RDH13: variants seen among roughly 807,000 people sequenced by gnomAD.
RDH13 encodes retinol dehydrogenase 13.
RDH13 carries 35 observed loss-of-function variants against 28.3 expected under a neutral mutation model. The observed-to-expected ratio is 1.24, with a 90% CI of 0.95 to 1.64. The LOEUF is 1.64. Ranked by LOEUF, RDH13 falls within the 40% of genes most tolerant of loss-of-function variation. RDH13 has a pLI of 0.00. For missense variants in RDH13, 514 were observed against 446.3 expected, an observed-to-expected ratio of 1.15 and a Z score of -1.37; for synonymous variants, 229 against 198.5, an observed-to-expected ratio of 1.15 and a Z score of -1.29.
chr19:55,051,138 C>T (rs775827), intron 3 of RDH13: 86,689 of 152,050 alleles, frequency 0.57, 25,053 homozygotes, highest in East Asian at 0.79. Context: ...ACAGCCGAGG[C>T]CCCGTCCGTG....
In RDH13 at chr19:55,058,670, C is replaced by CT. The variant is rs538566882; in HGVS notation, c.184+486dup. On this transcript the variant is annotated intron_variant, in intron 2 of 6. Coordinates refer to ENST00000415061, the MANE Select transcript of RDH13 (RefSeq NM_001145971.2). ...CTCAAGGTTCATCTGTTTCAATGCCCTTTTTTTTGTTTTGCTTTGTTTTGT... is the reference window on the plus strand; with the variant it reads ...CTCAAGGTTCATCTGTTTCAATGCCCTTTTTTTTTGTTTTGCTTTGTTTTGT... Among the ~76,000 whole-genome samples the CT allele has an allele frequency of 3.2e-3, 482 of 151,762 alleles. 2 individuals are homozygous for CT. Among genetic ancestry groups the CT allele is most frequent in the Non-Finnish European group, 5.4e-3 (368 of 67,868 alleles).
At chr19:55,050,803 G>A (rs983238866) in intron 3 of RDH13, 5 of 151,956 alleles carry the variant, frequency 3.3e-5, no homozygotes, top group Admixed American at 1.3e-4. Context: ...AGTGGTTTTC[G>A]GCGGGGATCG....
intron 2 of RDH13, among the ~76,000 whole-genome samples, chr19:55,057,433 TCC>T (rs1162718376): frequency 6.2e-5 from 6 of 97,214 alleles, no homozygotes; most frequent in Middle Eastern, 6.5e-3. Context: ...CCCCATCCTC[TCC>T]TTTTTTTTTT....
intron 5 of RDH13, 106 bp downstream of exon 5, chr19:55,048,221 ACT>A (rs1406761356): frequency 3.2e-6 from 5 of 1,556,830 alleles, no homozygotes; most frequent in African/African-American, 2.7e-5. Flanking sequence ...ACTTTTGCTG[ACT>A]CTGTTCTGGA....
In RDH13 at chr19:55,044,937, C is replaced by T. The variant is rs1219899432; in HGVS notation, c.*137G>A. ...CCAGTCCACTGCGGCCAGCACCGCCCCCTAGAACCTACTGCGGGCATGGCG... is the reference window on the plus strand; with the variant it reads ...CCAGTCCACTGCGGCCAGCACCGCCTCCTAGAACCTACTGCGGGCATGGCG... On this transcript the variant is annotated 3_prime_UTR_variant, in exon 7 of 7. Coordinates refer to ENST00000415061, the MANE Select transcript of RDH13 (RefSeq NM_001145971.2). The T allele has an allele frequency of 1.5e-6, 1 of 656,650 alleles. No homozygotes were observed. Among genetic ancestry groups the T allele is most frequent in the Non-Finnish European group, 2.6e-6 (1 of 385,772 alleles). The allele number at this position is 656,650 out of a possible 1,614,324, so 40.7% of individuals were successfully genotyped here. A position where few individuals can be genotyped will look rare whatever the true frequency, so the allele number is the denominator to read the frequency against.
At chr19:55,044,120 G>A (rs1452864161), downstream of RDH13, 1 of 151,986 alleles carries the variant, frequency 6.6e-6, no homozygotes, top group East Asian at 1.9e-4. Flanking sequence ...GGGTTTCATT[G>A]TGTTAGCCAG....
chr19:55,062,585 T>C (rs2075840232), intron 1 of RDH13, among the ~76,000 whole-genome samples: 3 of 151,262 alleles, frequency 2.0e-5, no homozygotes, highest in Admixed American at 2.0e-4. Context: ...GACGCCAAGG[T>C]GGGAGGATCA....
intron 1 of RDH13, among the ~76,000 whole-genome samples, chr19:55,068,187 C>A (rs1303382721): frequency 1.3e-5 from 2 of 151,764 alleles, no homozygotes; most frequent in African/African-American, 4.8e-5. Flanking sequence ...CTCTCTCCCC[C>A]CAACTCTCTC....
chr19:55,043,907 TA>T (rs1022682091), downstream of RDH13, among the ~76,000 whole-genome samples: 46 of 136,350 alleles, frequency 3.4e-4, no homozygotes, highest in African/African-American at 1.2e-3. Context: ...CTTTCATCTC[TA>T]AAAAGTCGGA....
Position 55,047,380 on chromosome 19 carries a change from G to A in RDH13, c.760+7C>T. 3 of 1,610,704 alleles carry A rather than the reference G, an allele frequency of 1.9e-6. No homozygotes were observed. The highest frequency in any genetic ancestry group is 8.5e-7 in the Non-Finnish European group (1 of 1,179,678). On this transcript the variant is annotated splice_region_variant and intron_variant, in intron 6 of 6. Coordinates refer to ENST00000415061, the MANE Select transcript of RDH13 (RefSeq NM_001145971.2). ...ACGTGGAGACCCCAGGCTGGGAGGG[G>A]ACTCACCGAGTGTGGTGCTGGAGAA...
upstream of RDH13, among the ~76,000 whole-genome samples, chr19:55,066,552 CCT>C (rs78446669): frequency 2.1e-5 from 3 of 146,018 alleles, no homozygotes; most frequent in Non-Finnish European, 3.0e-5. Flanking sequence ...CCTCTCTCTT[CCT>C]CTCTCCCTCT....
At chr19:55,060,915 C>CG (rs1568733005) in intron 1 of RDH13, among the ~76,000 whole-genome samples, 1 of 152,176 alleles carries the variant, frequency 6.6e-6, no homozygotes, top group East Asian at 1.9e-4. Flanking sequence ...CTTAAAACCA[C>CG]ATAAGTGCAT....
At chr19:55,059,687 A>G (rs1654449) in intron 1 of RDH13, among the ~76,000 whole-genome samples, 128,084 of 151,814 alleles carry the variant, frequency 0.84, 54,234 homozygotes, top group East Asian at 0.98. Context: ...AATTAGCCAG[A>G]TGTGTAGGGA....
In RDH13 at chr19:55,045,039, A is replaced by AAGCTGCGGGCATGGC; in HGVS notation, c.*34_*35insGCCATGCCCGCAGCT. 1 of 1,470,910 alleles carries AAGCTGCGGGCATGGC rather than the reference A, an allele frequency of 6.8e-7. No homozygotes were observed. The highest frequency in any genetic ancestry group is 9.3e-7 in the Non-Finnish European group (1 of 1,077,338). 91.1% of individuals were successfully genotyped at this position (1,470,910 alleles called of 1,614,324 possible). Reference sequence around the variant, plus strand: ...TGGCGGACAGCTGTCCTCGGTCTGGAGGCGCCATCCTGGCTTTCAAATCTG... The same window carrying AAGCTGCGGGCATGGC: ...TGGCGGACAGCTGTCCTCGGTCTGGAAGCTGCGGGCATGGCGGCGCCATCCTGGCTTTCAAATCTG... On this transcript the variant is annotated 3_prime_UTR_variant, in exon 7 of 7. Coordinates refer to ENST00000415061, the MANE Select transcript of RDH13 (RefSeq NM_001145971.2).
At position 55,048,625 on chromosome 19, in the gene RDH13, TGAACCCATGGTGCAGCC is replaced by T; in HGVS notation, c.445+17_445+33del. The T allele has an allele frequency of 1.9e-6, 3 of 1,611,824 alleles. No homozygotes were observed. Among genetic ancestry groups the T allele is most frequent in the Non-Finnish European group, 2.5e-6 (3 of 1,178,170 alleles). On this transcript the variant is annotated intron_variant, in intron 4 of 6. Coordinates refer to ENST00000415061, the MANE Select transcript of RDH13 (RefSeq NM_001145971.2). ...GGGAGGACGACGGGGGAGGATCGCT[TGAACCCATGGTGCAGCC>T]CCTGCCCAGGCCTCACCCAGGTGGT...
chr19:55,048,063 C>T, intron 5 of RDH13: 1 of 1,479,730 alleles, frequency 6.8e-7, no homozygotes, highest in East Asian at 2.5e-5. Flanking sequence ...AGCCAAAAGG[C>T]TGAGCTGCCT....
downstream of RDH13, among the ~76,000 whole-genome samples, chr19:55,043,747 G>A (rs904512533): frequency 2.0e-5 from 3 of 152,078 alleles, no homozygotes; most frequent in Non-Finnish European, 4.4e-5. Context: ...TTTCTATCTC[G>A]ATTACTGAGC....
rs1181580341 is a variant in RDH13, at chr19:55,047,498, A to G, written c.659-10T>C. The G allele has an allele frequency of 1.2e-6, 2 of 1,600,244 alleles. No homozygotes were observed. The highest frequency in any genetic ancestry group is 1.3e-5 in the African/African-American group (1 of 74,860). ...ACAGTCACACCAGAGCCTGGGGAAG[A>G]AAGAAAGAGAAGACTGAGGGAGGGG... is the stretch of plus-strand genomic sequence containing the variant. On this transcript the variant is annotated splice_polypyrimidine_tract_variant and intron_variant, in intron 5 of 6. Coordinates refer to ENST00000415061, the MANE Select transcript of RDH13 (RefSeq NM_001145971.2).
rs928973757 is a variant in RDH13 at position 55,046,018 on chromosome 19, C to T, written c.761-709G>A. Among the ~76,000 whole-genome samples the T allele has an allele frequency of 2.7e-5, 4 of 147,924 alleles. No individual in the cohort carries two copies. In the Admixed American group the frequency reaches 2.7e-4, roughly 10 times the overall value. On this transcript the variant is annotated intron_variant, in intron 6 of 6. Transcript: ENST00000415061. ...ATCCCAGCACTTTGGGAGGCTGAGG[C>T]AGGTGGATCACCTGAGGTCAGGAGT... is the stretch of plus-strand genomic sequence containing the variant.
Sources: allele counts gnomAD v4.1 joint callset (sites outside exome capture counted in the v4.1 genomes callset), GRCh38; gene constraint gnomAD v4.1.1; transcripts MANE v1.5; gene names NCBI Gene and HGNC (gene_info 2026-07-23, HGNC 2026-07-21).